The following PIK3CA variants were observed in gnomAD, a reference collection of about 807,000 sequenced individuals.
The protein encoded by PIK3CA is phosphatidylinositol-4,5-bisphosphate 3-kinase catalytic subunit alpha, also known as phosphatidylinositol 4,5-bisphosphate 3-kinase catalytic subunit alpha isoform.
In PIK3CA, 27 loss-of-function variants were observed where a neutral mutation model predicts 138.2. The observed-to-expected ratio is 0.20, with a 90% CI of 0.14 to 0.27. PIK3CA has a LOEUF of 0.27. PIK3CA is among the 10% of genes least tolerant of loss of function. The probability of loss-of-function intolerance (pLI) is 1.00; values close to 1 mark genes in which losing one functional copy is unlikely to be tolerated. For missense variants in PIK3CA, 544 were observed against 1,277.4 expected (o/e 0.43, Z 8.75); for synonymous variants, 358 against 413.2 (o/e 0.87, Z 1.62).
intron 6 of PIK3CA, 150 bp from the exon 7 acceptor site, chr3:179,209,445 G>T: frequency 2.1e-6 from 1 of 470,806 alleles, no homozygotes; most frequent in Non-Finnish European, 3.8e-6. Flanking sequence ...TTAACTATTT[G>T]AATATGACCT....
At position 179,219,876 on chromosome 3, in the gene PIK3CA, T is replaced by C. The variant is rs1257803557; in HGVS notation, c.1912-73T>C. 4 of 1,581,464 alleles carry C rather than the reference T, an allele frequency of 2.5e-6. No homozygotes were observed. Among genetic ancestry groups the C allele is most frequent in the Non-Finnish European group, 2.6e-6 (3 of 1,168,472 alleles). ...AAATTATTACCAGTAATATCCACTT[T>C]CTTTCTGAAAAAATTTTCTTTAGAT... On this transcript the variant is annotated intron_variant, in intron 12 of 20. Coordinates refer to ENST00000263967, the MANE Select transcript of PIK3CA (RefSeq NM_006218.4). The surrounding 1 kb of genome is among the most constrained non-coding windows in gnomAD (Gnocchi z 4.2).
intron 6 of PIK3CA, among the ~76,000 whole-genome samples, chr3:179,205,939 T>C (rs532472449): frequency 6.6e-6 from 1 of 152,246 alleles, no homozygotes; most frequent in African/African-American, 2.4e-5. Context: ...GGCCACCCTT[T>C]TAGAGCCTAG....
chr3:179,209,819 A>G (rs1222745193), intron 7 of PIK3CA, 119 bp downstream of exon 7: 1 of 482,140 alleles, frequency 2.1e-6, no homozygotes, highest in African/African-American at 2.0e-5. Context: ...TAATAAACCT[A>G]TTTTTAAAAT....
At chr3:179,212,326 A>G (rs1348762749) in intron 9 of PIK3CA, among the ~76,000 whole-genome samples, 1 of 139,120 alleles carries the variant, frequency 7.2e-6, no homozygotes, top group Non-Finnish European at 1.5e-5. Flanking sequence ...TTTTTTTAAT[A>G]AGAGATGGGG....
In PIK3CA at chr3:179,214,514, G is replaced by A. The variant is rs766374115; in HGVS notation, c.1540-3696G>A. On this transcript the variant is annotated intron_variant, in intron 9 of 20. Transcript: ENST00000263967. The stretch of plus-strand genomic sequence containing the variant: ...GCTCATGGCACCCCCAACTGCATCA[G>A]AGTAACATCAAAGATCACTGATCTT... Among the ~76,000 whole-genome samples the A allele has an allele frequency of 2.6e-4, 40 of 152,192 alleles. 2 individuals are homozygous for A. Among genetic ancestry groups the A allele is most frequent in the Middle Eastern group, 6.8e-3 (2 of 294 alleles).
At chr3:179,165,536 C>A (rs1432530443) in intron 1 of PIK3CA, among the ~76,000 whole-genome samples, 1 of 152,154 alleles carries the variant, frequency 6.6e-6, no homozygotes, top group East Asian at 1.9e-4. Context: ...AGATTGCAGG[C>A]ATGAGCCACT....
At chr3:179,191,827 G>A (rs1438002894) in intron 1 of PIK3CA, among the ~76,000 whole-genome samples, 6 of 151,888 alleles carry the variant, frequency 4.0e-5, no homozygotes, top group East Asian at 3.9e-4. Context: ...TAGTAGAGAC[G>A]GGGTTTCACC....
At chr3:179,211,155 A>G (rs1724699956) in intron 9 of PIK3CA, among the ~76,000 whole-genome samples, 2 of 152,216 alleles carry the variant, frequency 1.3e-5, no homozygotes, top group Admixed American at 6.5e-5. Flanking sequence ...AATATACACA[A>G]ATCTATTATA....
chr3:179,198,802 T>C lies in PIK3CA; in HGVS notation c.-24T>C. On this transcript the variant is annotated 5_prime_UTR_variant, in exon 2 of 21. An upstream open reading frame in the 5' UTR loses its in-frame stop. Coordinates refer to ENST00000263967, the MANE Select transcript of PIK3CA (RefSeq NM_006218.4). ...TAATTCCTTAAAGTAGTTTTATATGTAAAACTTGCAAAGAATCAGAACAAT... is the reference window on the plus strand; with the variant it reads ...TAATTCCTTAAAGTAGTTTTATATGCAAAACTTGCAAAGAATCAGAACAAT... The C allele has an allele frequency of 1.5e-6, 2 of 1,377,646 alleles. No homozygotes were observed. Among genetic ancestry groups the C allele is most frequent in the Non-Finnish European group, 2.0e-6 (2 of 1,018,196 alleles). 85.3% of individuals were successfully genotyped at this position (1,377,646 alleles called of 1,614,324 possible). A position where few individuals can be genotyped will look rare whatever the true frequency, so the allele number is the denominator to read the frequency against.
chr3:179,210,521 T>C lies in PIK3CA; in HGVS notation c.1495T>C (p.Ser499Pro), dbSNP rs2108401589. 6.2e-7 allele frequency: 1 copy of C among 1,614,044 alleles called. No homozygotes were observed. The highest frequency in any genetic ancestry group is 1.1e-5 in the South Asian group (1 of 91,078). ...AGTGATTGAAGAGCATGCCAATTGG[T>C]CTGTATCCCGAGAAGCAGGATTTAG... ...MSVIEEHANW[S>P]VSREAGFSYS... is the part of the protein sequence containing the mutation. Residue 499 changes from serine to proline, a missense_variant, in exon 9 of 21, where the codon TCT becomes CCT. Transcript: ENST00000263967.
rs139061768 is a variant in PIK3CA at position 179,158,411 on chromosome 3, C to T, written c.-77+9808C>T. ...TTTCCCTGTCCATTCCTGGAATCTT[C>T]GAATTCCCAGCACTTATCTTAATAG... On this transcript the variant is annotated intron_variant, in intron 1 of 20. Coordinates refer to ENST00000263967, the MANE Select transcript of PIK3CA (RefSeq NM_006218.4). Among the ~76,000 whole-genome samples, 13 of 152,184 alleles carry T rather than the reference C, an allele frequency of 8.5e-5. No homozygotes were observed. The East Asian group carries it at 1.2e-3, about 14-fold the overall frequency.
intron 1 of PIK3CA, among the ~76,000 whole-genome samples, chr3:179,196,929 G>A (rs1323762773): frequency 2.0e-5 from 3 of 152,196 alleles, no homozygotes; most frequent in African/African-American, 7.2e-5. Flanking sequence ...GAGAATTAAC[G>A]AAGCTTGTTG....
chr3:179,198,852 A>G lies in PIK3CA; in HGVS notation c.27A>G (p.Glu9=). 1 of 1,568,870 alleles carries G rather than the reference A, an allele frequency of 6.4e-7. No homozygotes were observed. Among genetic ancestry groups the G allele is most frequent in the Non-Finnish European group, 8.6e-7 (1 of 1,161,050 alleles). Reference sequence around the variant, plus strand: ...TGCCTCCACGACCATCATCAGGTGAACTGTGGGGCATCCACTTGATGCCCC... The same window carrying G: ...TGCCTCCACGACCATCATCAGGTGAGCTGTGGGGCATCCACTTGATGCCCC... MPPRPSSG[E]LWGIHLMPPR... The change falls in exon 2 of 21, where the codon GAA becomes GAG. Residue 9 remains glutamate, a synonymous_variant. Transcript: ENST00000263967.
intron 1 of PIK3CA, among the ~76,000 whole-genome samples, chr3:179,191,446 G>A (rs917395764): frequency 6.6e-6 from 1 of 152,134 alleles, no homozygotes; most frequent in African/African-American, 2.4e-5. Context: ...TATACTTGTG[G>A]AACATAAATA....
chr3:179,149,042 G>C (rs1019932464), intron 1 of PIK3CA, among the ~76,000 whole-genome samples: 1 of 152,116 alleles, frequency 6.6e-6, no homozygotes, highest in Non-Finnish European at 1.5e-5. Context: ...CTTTTCTTGA[G>C]GGGCTGTCAC....
In PIK3CA at chr3:179,151,204, T is replaced by G. The variant is rs953996203; in HGVS notation, c.-77+2601T>G. Among the ~76,000 whole-genome samples, 13 of 152,230 alleles carry G rather than the reference T, an allele frequency of 8.5e-5. No homozygotes were observed. The East Asian group carries it at 2.5e-3, about 29-fold the overall frequency. Reference sequence around the variant, plus strand: ...TCTTAAGTATTACCTTGAGCTATATTAACAGTGCCGTAGACAGAGTGGTAT... The same window carrying G: ...TCTTAAGTATTACCTTGAGCTATATGAACAGTGCCGTAGACAGAGTGGTAT... On this transcript the variant is annotated intron_variant, in intron 1 of 20. Transcript: ENST00000263967.
intron 1 of PIK3CA, among the ~76,000 whole-genome samples, chr3:179,168,336 G>A (rs1723469060): frequency 6.6e-6 from 1 of 152,080 alleles, no homozygotes; most frequent in Admixed American, 6.6e-5. Context: ...TTACTGCATT[G>A]TTTTTTACTT....
In PIK3CA at chr3:179,239,426, C is replaced by G. The variant is rs867295836; in HGVS notation, c.*5062C>G. On this transcript the variant is annotated 3_prime_UTR_variant, in exon 21 of 21. Coordinates refer to ENST00000263967, the MANE Select transcript of PIK3CA (RefSeq NM_006218.4). ...TAGTATGAATTTCCAAAATCATTAT[C>G]TATTTATTTCATTTTTATTTAATTT... The G allele has an allele frequency of 5.1e-6, 1 of 195,102 alleles. No individual in the cohort carries two copies. The highest frequency in any genetic ancestry group is 2.3e-5 in the African/African-American group (1 of 43,112). 12.1% of individuals were successfully genotyped at this position (195,102 alleles called of 1,614,324 possible). A position where few individuals can be genotyped will look rare whatever the true frequency, so the allele number is the denominator to read the frequency against.
At chr3:179,205,154 C>A (rs1216073306) in intron 6 of PIK3CA, among the ~76,000 whole-genome samples, 1 of 151,454 alleles carries the variant, frequency 6.6e-6, no homozygotes, top group Non-Finnish European at 1.5e-5. Context: ...TTCCAGGCTG[C>A]AGTCAGCTAT....
Sources: allele counts gnomAD v4.1 joint callset (sites outside exome capture counted in the v4.1 genomes callset), GRCh38; gene constraint gnomAD v4.1.1; non-coding constraint Gnocchi (gnomAD v3.1); transcripts MANE v1.5; gene names NCBI Gene and HGNC (gene_info 2026-07-23, HGNC 2026-07-21).